The following CROCC2 variants were observed in gnomAD, a reference collection of about 807,000 sequenced individuals.
The protein encoded by CROCC2 is ciliary rootlet coiled-coil protein 2.
In CROCC2, 163 loss-of-function variants were observed where a neutral mutation model predicts 177.6. That is an observed-to-expected ratio of 0.92 (90% CI 0.81 to 1.05). The LOEUF (loss-of-function observed/expected upper bound fraction) is 1.05. Among genes scored for constraint, CROCC2 ranks in the 50% least tolerant of loss-of-function variants. The pLI, the probability that CROCC2 is intolerant of heterozygous loss-of-function variation, is 0.00. For synonymous variants in CROCC2, 904 were observed against 787.3 expected (o/e 1.15, Z -2.48); for missense variants, 1,929 against 1,797.8 (o/e 1.07, Z -1.32).
At position 240,982,996 on chromosome 2, in the gene CROCC2, G is replaced by A; in HGVS notation, c.4518G>A (p.Gln1506=). The change falls in exon 28 of 32, where the codon CAG becomes CAA. Residue 1506 remains glutamine, a synonymous_variant. Coordinates refer to ENST00000690015, the MANE Select transcript of CROCC2 (RefSeq NM_001351305.2). This position sits in a 1 kb window ranked among gnomAD's most constrained non-coding sequence, Gnocchi z 4.7. ...EQLTNLEHRC[Q]KAEVSLEPLR... ...TCACCAACTTGGAGCACAGGTGCCA[G>A]AAGGCTGAGGTATCGCTGGAGCCCC... 7 of 1,550,496 alleles carry A rather than the reference G, an allele frequency of 4.5e-6. No homozygotes were observed. The highest frequency in any genetic ancestry group is 6.1e-6 in the Non-Finnish European group (7 of 1,146,976).
Position 240,931,013 on chromosome 2 carries a change from C to T in CROCC2, c.832C>T (p.Arg278Trp), listed in dbSNP as rs1205670304. The change falls in exon 7 of 32, where the codon CGG (arginine) becomes TGG (tryptophan). Residue 278 changes from arginine to tryptophan, a missense_variant. By Grantham distance (101) the Arg-to-Trp change is moderately radical (BLOSUM62 -3). Coordinates refer to ENST00000690015, the MANE Select transcript of CROCC2 (RefSeq NM_001351305.2). ...CTGCCTGAACCTCGACTCCAACCTG[C>T]GGCTGTCGGCCAGCAGCACGGCCAG... ...TACLNLDSNL[R>W]LSASSTASTL... 8.4e-6 allele frequency: 6 copies of T among 716,272 alleles called. No homozygotes were observed. The highest frequency in any genetic ancestry group is 5.4e-5 in the East Asian group (2 of 37,298). 44.4% of individuals were successfully genotyped at this position (716,272 alleles called of 1,614,324 possible).
chr2:240,961,227 CGT>C (rs2059630866), intron 20 of CROCC2, among the ~76,000 whole-genome samples: 1 of 152,194 alleles, frequency 6.6e-6, no homozygotes, highest in African/African-American at 2.4e-5. Context: ...GAGGTCCACA[CGT>C]GTGCACACAC....
intron 26 of CROCC2, 99 bp downstream of exon 26, chr2:240,967,564 G>A: frequency 1.3e-6 from 2 of 1,509,466 alleles, no homozygotes; most frequent in Non-Finnish European, 1.8e-6. Flanking sequence ...CAGTCCCTGG[G>A]GCAGCTCGGT....
At chr2:240,933,399 C>T in intron 10 of CROCC2, 57 bp downstream of exon 10, 1 of 1,418,032 alleles carries the variant, frequency 7.1e-7, no homozygotes, top group African/African-American at 1.4e-5. Context: ...TCCTGAGGGC[C>T]CAGGGCTGCT....
At chr2:240,936,348 C>G (rs559686915) in intron 14 of CROCC2, among the ~76,000 whole-genome samples, 2 of 152,284 alleles carry the variant, frequency 1.3e-5, no homozygotes, top group South Asian at 4.2e-4. Context: ...CCCAAAGCCC[C>G]CGGCTCCCAC....
rs2059571066 is a variant in CROCC2, at chr2:240,953,641, T to C, written c.2830-2218T>C. Among the ~76,000 whole-genome samples, 1 of 152,090 alleles carries C rather than the reference T, an allele frequency of 6.6e-6. No individual in the cohort carries two copies. Among genetic ancestry groups the C allele is most frequent in the African/African-American group, 2.4e-5 (1 of 41,404 alleles). Reference sequence around the variant, plus strand: ...ATTCTTGGCGGCCTGTGTAGAGAAATTGAGTGGAGAAGTGGGGCTGCGGGG... The same window carrying C: ...ATTCTTGGCGGCCTGTGTAGAGAAACTGAGTGGAGAAGTGGGGCTGCGGGG... On this transcript the variant is annotated intron_variant, in intron 18 of 31. Transcript: ENST00000690015. The surrounding 1 kb of genome is among the most constrained non-coding windows in gnomAD (Gnocchi z 4.0).
chr2:240,946,166 T>C lies in CROCC2; in HGVS notation c.2276T>C (p.Leu759Pro). 6.5e-7 allele frequency: 1 copy of C among 1,548,686 alleles called. No individual in the cohort carries two copies. The highest frequency in any genetic ancestry group is 1.7e-4 in the Middle Eastern group (1 of 5,982). Residue 759 changes from leucine (L) to proline (P), a missense_variant, in exon 15 of 32, where the codon CTG becomes CCG. Leu to Pro is a moderately conservative substitution (Grantham distance 98, BLOSUM62 -3). Around this residue, in one of 3 missense-constraint regions of CROCC2, gnomAD observed 1,397 missense variants for 1,239.9 expected, o/e 1.13. Transcript: ENST00000690015. ...LQQALQGKDALSEERAQLLAK... is the reference protein window; with the variant it reads ...LQQALQGKDAPSEERAQLLAK... ...CAAGCCCTGCAAGGAAAGGATGCTC[T>C]GTCTGAGGAGCGGGCCCAGCTGCTG...
At chr2:240,933,474 A>G in intron 10 of CROCC2, 132 bp downstream of exon 10, 1 of 1,146,908 alleles carries the variant, frequency 8.7e-7, no homozygotes, top group African/African-American at 1.6e-5. Flanking sequence ...GCCTTCTAGC[A>G]GAGTTGTGTG....
At chr2:240,931,704 C>G (rs540696322) in intron 7 of CROCC2, among the ~76,000 whole-genome samples, 1 of 152,320 alleles carries the variant, frequency 6.6e-6, no homozygotes, top group East Asian at 1.9e-4. Flanking sequence ...TGCCTTACAA[C>G]CCAGGGTCCA....
chr2:240,910,133 C>T (rs1170319618), intron 1 of CROCC2, among the ~76,000 whole-genome samples: 3 of 152,134 alleles, frequency 2.0e-5, no homozygotes, highest in African/African-American at 7.2e-5. Context: ...AAGGGGCAGG[C>T]TTGGAAACTC....
Position 240,967,333 on chromosome 2 carries a change from C to A in CROCC2, c.4147-12C>A. ...TTGGACTGCCCCCGCTGACCTCAGT[C>A]CTTCTGCCCAGGATGACTCCCGCAT... On this transcript the variant is annotated splice_polypyrimidine_tract_variant and intron_variant, in intron 25 of 31. Coordinates refer to ENST00000690015, the MANE Select transcript of CROCC2 (RefSeq NM_001351305.2). 1.5e-6 allele frequency: 1 copy of A among 689,476 alleles called. No homozygotes were observed. The highest frequency in any genetic ancestry group is 2.7e-6 in the Non-Finnish European group (1 of 369,034). 42.7% of individuals were successfully genotyped at this position (689,476 alleles called of 1,614,324 possible). A position where few individuals can be genotyped will look rare whatever the true frequency, so the allele number is the denominator to read the frequency against.
intron 20 of CROCC2, among the ~76,000 whole-genome samples, chr2:240,962,795 A>G (rs1010008397): frequency 6.6e-6 from 1 of 152,176 alleles, no homozygotes; most frequent in Non-Finnish European, 1.5e-5. Flanking sequence ...ACTGGGCGCC[A>G]GGGCCGAGCC....
chr2:240,947,576 G>T (rs2059531002), intron 15 of CROCC2, among the ~76,000 whole-genome samples: 1 of 152,370 alleles, frequency 6.6e-6, no homozygotes, highest in African/African-American at 2.4e-5. Context: ...TATCTGACTG[G>T]CCCAGTGGGG....
chr2:240,974,763 A>T (rs935589456), intron 27 of CROCC2, among the ~76,000 whole-genome samples: 1 of 152,092 alleles, frequency 6.6e-6, no homozygotes, highest in African/African-American at 2.4e-5. Context: ...AAGAGCATTT[A>T]ATGTGATCCC....
At chr2:240,962,388 A>G (rs1201756122) in intron 20 of CROCC2, among the ~76,000 whole-genome samples, 1 of 151,894 alleles carries the variant, frequency 6.6e-6, no homozygotes, top group Non-Finnish European at 1.5e-5. Context: ...AGTTTCTTTT[A>G]TGATGCATGG....
intron 10 of CROCC2, 77 bp downstream of exon 10, chr2:240,933,419 A>G (rs1463731364): frequency 1.5e-6 from 2 of 1,371,662 alleles, no homozygotes; most frequent in South Asian, 1.5e-5. Flanking sequence ...TGTCAGGACA[A>G]GCACCTCTAG....
intron 7 of CROCC2, among the ~76,000 whole-genome samples, chr2:240,932,061 C>T (rs955460344): frequency 1.3e-5 from 2 of 152,260 alleles, no homozygotes; most frequent in Non-Finnish European, 2.9e-5. Flanking sequence ...GGCAGAGCCT[C>T]GGGCAGCCAC....
intron 21 of CROCC2, 36 bp downstream of exon 21, chr2:240,963,809 T>A: frequency 1.3e-6 from 2 of 1,536,886 alleles, no homozygotes; most frequent in South Asian, 2.4e-5. Flanking sequence ...GGGGGTGCCC[T>A]GCAGCCTGCT....
At position 240,915,972 on chromosome 2, in the gene CROCC2, C is replaced by T. The variant is rs142585351; in HGVS notation, c.79-2754C>T. 9.0e-3 allele frequency among the ~76,000 whole-genome samples: 1,376 copies of T among 152,304 alleles called. 10 individuals are homozygous for T. The highest frequency in any genetic ancestry group is 0.03 in the African/African-American group (1,256 of 41,570). ...CAAGCCTCCAGCGGACGCTGGGCCA[C>T]AGCCTGGGCCCACCCCGCAGAGGCC... On this transcript the variant is annotated intron_variant, in intron 1 of 31. Coordinates refer to ENST00000690015, the MANE Select transcript of CROCC2 (RefSeq NM_001351305.2).
Sources: gnomAD v4.1 joint callset for allele counts (sites outside exome capture counted in the v4.1 genomes callset) on GRCh38, gnomAD v4.1.1 for gene constraint, gnomAD v4.1.1 regional missense constraint, Gnocchi (gnomAD v3.1) non-coding constraint, MANE v1.5 for transcripts, NCBI Gene and HGNC (gene_info 2026-07-23, HGNC 2026-07-21) for gene names.